The following FAM20A variants were observed in gnomAD, a reference collection of about 807,000 sequenced individuals.
FAM20A encodes the protein FAM20A golgi associated secretory pathway pseudokinase, also known as pseudokinase FAM20A.
A neutral mutation model predicts 52.0 loss-of-function variants in FAM20A; 42 were observed. The ratio of observed to expected loss-of-function variants is 0.81; its 90% confidence interval spans 0.63 to 1.04. The LOEUF is 1.04. Ranked by LOEUF, FAM20A falls within the 50% of genes least tolerant of loss-of-function variation. The pLI, the probability that FAM20A is intolerant of heterozygous loss-of-function variation, is 0.00. For synonymous variants in FAM20A, 304 were observed against 298.9 expected (o/e 1.02, Z -0.18); for missense variants, 742 against 712.7 (o/e 1.04, Z -0.47).
chr17:68,558,290 A>G (rs2143728408), intron 1 of FAM20A: 1 of 416,916 alleles, frequency 2.4e-6, no homozygotes, highest in African/African-American at 2.1e-5. Context: ...CAACACCTTG[A>G]TTTTAATCTT....
chr17:68,545,933 G>C (rs1438755133), intron 4 of FAM20A, among the ~76,000 whole-genome samples: 1 of 152,142 alleles, frequency 6.6e-6, no homozygotes, highest in East Asian at 1.9e-4. Flanking sequence ...ACTTTGGGAG[G>C]CTGAGGCAGG....
chr17:68,562,604 T>C (rs555476477), intron 1 of FAM20A, among the ~76,000 whole-genome samples: 5 of 146,540 alleles, frequency 3.4e-5, no homozygotes, highest in African/African-American at 1.4e-4. Context: ...TCTAGCATCC[T>C]TTTCCATCCC....
At position 68,601,185 on chromosome 17, in the gene FAM20A, G is replaced by C. The variant is rs1328743796; in HGVS notation, c.-519C>G. 1 of 152,846 alleles carries C rather than the reference G, an allele frequency of 6.5e-6. No individual in the cohort carries two copies. The allele number at this position is 152,846 out of a possible 1,614,324, so 9.5% of individuals were successfully genotyped here. ...TGCGGGCGGCGGAGACGCCAGTGCC[G>C]GCGGCTGGCACGGGCGGCGCGAGTG... On this transcript the variant is annotated 5_prime_UTR_variant, in exon 1 of 11. Transcript: ENST00000592554.
At chr17:68,572,450 G>A (rs1336645672) in intron 1 of FAM20A, among the ~76,000 whole-genome samples, 1 of 152,148 alleles carries the variant, frequency 6.6e-6, no homozygotes, top group Non-Finnish European at 1.5e-5. Flanking sequence ...CTTCTAACCA[G>A]TTTCTGAGTA....
chr17:68,591,742 T>TGG (rs35072390), intron 1 of FAM20A: 15,447 of 152,138 alleles, frequency 0.1, 1,051 homozygotes, highest in East Asian at 0.28. Flanking sequence ...ACTGGGAGGA[T>TGG]GGGGGTGGAG....
rs962203219 is a variant in FAM20A, at chr17:68,548,100, G to GA, written c.719+3772dup. Among the ~76,000 whole-genome samples, 3 of 152,270 alleles carry GA rather than the reference G, an allele frequency of 2.0e-5. No individual in the cohort carries two copies. In the East Asian group the frequency reaches 5.8e-4, roughly 29 times the overall value. ...GAACAGCAAGTTGTTGGAGCAGTCA[G>GA]AACACACATTTAGGCCAGGTGCAGT... On this transcript the variant is annotated intron_variant, in intron 4 of 10. Transcript: ENST00000592554.
intron 1 of FAM20A, among the ~76,000 whole-genome samples, chr17:68,566,751 T>C (rs561266453): frequency 1.3e-5 from 2 of 152,360 alleles, no homozygotes; most frequent in East Asian, 3.9e-4. Context: ...AAAATCATTT[T>C]GATTGCACTG....
At chr17:68,544,930 T>G (rs187694961) in intron 4 of FAM20A, among the ~76,000 whole-genome samples, 128 of 152,330 alleles carry the variant, frequency 8.4e-4, no homozygotes, top group African/African-American at 2.9e-3. Context: ...GTTTTTACTT[T>G]AGATCAGTGC....
At chr17:68,575,791 T>TAC (rs761949775) in intron 1 of FAM20A, among the ~76,000 whole-genome samples, 16,456 of 104,032 alleles carry the variant, frequency 0.16, 1,355 homozygotes, top group Middle Eastern at 0.19. Flanking sequence ...TTTTATATTA[T>TAC]ACACACACAC....
chr17:68,538,847 CGTT>C (rs1358866885), intron 10 of FAM20A, among the ~76,000 whole-genome samples: 6 of 152,104 alleles, frequency 3.9e-5, no homozygotes, highest in African/African-American at 9.7e-5. Context: ...AAAGACAAAA[CGTT>C]GTGGGGGAAA....
At chr17:68,580,126 A>G (rs557331739) in intron 1 of FAM20A, among the ~76,000 whole-genome samples, 3 of 152,374 alleles carry the variant, frequency 2.0e-5, no homozygotes, top group African/African-American at 7.2e-5. Flanking sequence ...TAACAACATA[A>G]TAAGTGGAAA....
At chr17:68,548,567 A>G (rs1240776195) in intron 4 of FAM20A, among the ~76,000 whole-genome samples, 2 of 151,996 alleles carry the variant, frequency 1.3e-5, no homozygotes, top group Non-Finnish European at 2.9e-5. Flanking sequence ...GAATTACCAA[A>G]TGTGACACAG....
chr17:68,558,220 C>T (rs2143727786), intron 1 of FAM20A: 1 of 303,962 alleles, frequency 3.3e-6, no homozygotes, highest in South Asian at 2.6e-5. Context: ...CTGAATTCTA[C>T]CAACAACGAG....
At chr17:68,565,312 A>T (rs1488165580) in intron 1 of FAM20A, among the ~76,000 whole-genome samples, 1 of 151,664 alleles carries the variant, frequency 6.6e-6, no homozygotes, top group Non-Finnish European at 1.5e-5. Flanking sequence ...CCAGCTAAAA[A>T]GCACAGACAT....
intron 1 of FAM20A, among the ~76,000 whole-genome samples, chr17:68,583,064 C>T (rs111849443): frequency 1.4e-4 from 22 of 151,990 alleles, no homozygotes; most frequent in African/African-American, 4.6e-4. Context: ...CCTCGGCCTC[C>T]GAAAGTGCTG....
rs149047113 is a variant in FAM20A at position 68,597,568 on chromosome 17, A to T, written c.404+2695T>A. Among the ~76,000 whole-genome samples the T allele has an allele frequency of 2.3e-3, 349 of 152,286 alleles. 1 individual carries two copies. The highest frequency in any genetic ancestry group is 3.9e-3 in the Non-Finnish European group (265 of 68,020). ...CCCAACTAATTTTTGTATTTTTAAT[A>T]GAGATGGGATTTCACCATGTTGACC... On this transcript the variant is annotated intron_variant, in intron 1 of 10. Coordinates refer to ENST00000592554, the MANE Select transcript of FAM20A (RefSeq NM_017565.4).
intron 1 of FAM20A, among the ~76,000 whole-genome samples, chr17:68,581,406 C>CTTTCTTTCTTTCTT (rs1555832124): frequency 7.1e-6 from 1 of 141,764 alleles, no homozygotes; most frequent in East Asian, 2.0e-4. Flanking sequence ...TTCTTTCTTT[C>CTTTCTTTCTTTCTT]TTTCTTTCTT....
chr17:68,575,703 T>A, intron 1 of FAM20A, among the ~76,000 whole-genome samples: 1 of 125,848 alleles, frequency 7.9e-6, no homozygotes, highest in South Asian at 2.2e-4. Context: ...ATTATATATA[T>A]TATATATTAT....
At chr17:68,541,821 G>A (rs1224521018) in intron 7 of FAM20A, 164 bp downstream of exon 7, 1 of 777,810 alleles carries the variant, frequency 1.3e-6, no homozygotes, top group Non-Finnish European at 2.1e-6. Flanking sequence ...GAACTAAAGG[G>A]GAGAACAGAC....
Sources: gnomAD v4.1 joint callset for allele counts (sites outside exome capture counted in the v4.1 genomes callset) on GRCh38, gnomAD v4.1.1 for gene constraint, MANE v1.5 for transcripts, NCBI Gene and HGNC (gene_info 2026-07-23, HGNC 2026-07-21) for gene names.